Variants in TMPRSS11F observed in about 807,000 individuals in gnomAD.
TMPRSS11F encodes the protein transmembrane protease serine 11F.
A neutral mutation model predicts 60.2 loss-of-function variants in TMPRSS11F; 47 were observed. The ratio of observed to expected loss-of-function variants is 0.78; its 90% CI spans 0.62 to 1.00. The LOEUF is 1.00. TMPRSS11F is among the 50% of genes least tolerant of loss of function. The pLI, the probability that TMPRSS11F is intolerant of heterozygous loss-of-function variation, is 0.00. For synonymous variants in TMPRSS11F, 166 were observed against 167.3 expected (o/e 0.99, Z 0.06); for missense variants, 519 against 522.9 (o/e 0.99, Z 0.07).
Position 68,069,901 on chromosome 4 carries a change from T to A in TMPRSS11F, c.553+68A>T. The A allele has an allele frequency of 2.2e-6, 3 of 1,385,638 alleles. 1 individual carries two copies. In the Admixed American group the frequency reaches 6.6e-5, roughly 30 times the overall value. 85.8% of individuals were successfully genotyped at this position (1,385,638 alleles called of 1,614,324 possible). On this transcript the variant is annotated intron_variant, in intron 6 of 9. Coordinates refer to ENST00000356291, the MANE Select transcript of TMPRSS11F (RefSeq NM_207407.2). The stretch of plus-strand genomic sequence containing the variant: ...AAGCTTGGTAAACTTTACTGCCAAC[T>A]TTTCTATAACTTTTTTCATGATCTT...
intron 2 of TMPRSS11F, among the ~76,000 whole-genome samples, chr4:68,098,025 C>T (rs191456984): frequency 7.4e-4 from 112 of 152,202 alleles, no homozygotes; most frequent in Admixed American, 1.4e-3. Context: ...CAGAAATCGG[C>T]GGGGCATGGT....
At chr4:68,127,843 A>C (rs1018977492) in intron 1 of TMPRSS11F, among the ~76,000 whole-genome samples, 4 of 152,164 alleles carry the variant, frequency 2.6e-5, no homozygotes, top group Non-Finnish European at 4.4e-5. Flanking sequence ...AAATACACCA[A>C]CAACAAATGA....
At chr4:68,067,710 G>A (rs1346705919) in intron 7 of TMPRSS11F, among the ~76,000 whole-genome samples, 3 of 152,124 alleles carry the variant, frequency 2.0e-5, no homozygotes, top group Non-Finnish European at 4.4e-5. Flanking sequence ...CTGCGAAAAA[G>A]CAACAGATAA....
intron 5 of TMPRSS11F, among the ~76,000 whole-genome samples, chr4:68,070,694 A>G (rs1461744570): frequency 6.6e-6 from 1 of 152,086 alleles, no homozygotes; most frequent in Non-Finnish European, 1.5e-5. Flanking sequence ...TTTCCCTTCA[A>G]ATTTATTCAT....
intron 3 of TMPRSS11F, among the ~76,000 whole-genome samples, chr4:68,086,595 T>G (rs76126608): frequency 0.03 from 4,573 of 152,156 alleles, 112 homozygotes; most frequent in Middle Eastern, 0.099. Context: ...ATTTTTGGTT[T>G]ATTGAAAGAA....
intron 1 of TMPRSS11F, among the ~76,000 whole-genome samples, chr4:68,106,996 A>C (rs573919541): frequency 4.2e-4 from 64 of 152,192 alleles, no homozygotes; most frequent in Non-Finnish European, 6.8e-4. Flanking sequence ...GGTATCAGCA[A>C]GGTCAGCTAT....
rs750644290 is a variant in TMPRSS11F, at chr4:68,053,896, T to C, written c.*13A>G. On this transcript the variant is annotated 3_prime_UTR_variant, in exon 10 of 10. Transcript: ENST00000356291. ...CTCTGTGTGCCATGTGTATAACTCA[T>C]GGGCAATCCACACTACATACCAGTC... The C allele has an allele frequency of 3.7e-6, 6 of 1,611,040 alleles. No homozygotes were observed. Among genetic ancestry groups the C allele is most frequent in the Non-Finnish European group, 5.1e-6 (6 of 1,177,920 alleles).
At chr4:68,115,249 C>T (rs1207797082) in intron 1 of TMPRSS11F, among the ~76,000 whole-genome samples, 1 of 149,590 alleles carries the variant, frequency 6.7e-6, no homozygotes, top group Non-Finnish European at 1.5e-5. Context: ...CCCAGCTACT[C>T]AGGAGGCTGA....
chr4:68,079,402 G>A (rs1723649250), intron 3 of TMPRSS11F, among the ~76,000 whole-genome samples: 1 of 152,128 alleles, frequency 6.6e-6, no homozygotes, highest in South Asian at 2.1e-4. Flanking sequence ...AGGCAGGTAG[G>A]AAGGTCATGG....
chr4:68,062,641 A>C, intron 8 of TMPRSS11F: 1 of 797,252 alleles, frequency 1.3e-6, no homozygotes, highest in Non-Finnish European at 2.3e-6. Flanking sequence ...AGCTGTTGAG[A>C]CCTAAATAAA....
At chr4:68,100,017 CT>C (rs1294521382) in intron 1 of TMPRSS11F, among the ~76,000 whole-genome samples, 2 of 145,804 alleles carry the variant, frequency 1.4e-5, no homozygotes, top group African/African-American at 5.2e-5. Context: ...ATGATTACAA[CT>C]TTGAGGAATA....
chr4:68,081,968 C>CGGCT (rs1723703889), intron 3 of TMPRSS11F, among the ~76,000 whole-genome samples: 1 of 152,140 alleles, frequency 6.6e-6, no homozygotes, highest in African/African-American at 2.4e-5. Context: ...AGTGGCAAGA[C>CGGCT]GGCTGCCCAG....
At chr4:68,119,486 A>G (rs112334239) in intron 1 of TMPRSS11F, among the ~76,000 whole-genome samples, 1,524 of 152,228 alleles carry the variant, frequency 0.01, 22 homozygotes, top group African/African-American at 0.034. Context: ...TCTTGTTAGG[A>G]GCTAATACAG....
At chr4:68,068,590 A>G (rs1723380594) in intron 7 of TMPRSS11F, 28 bp downstream of exon 7, 2 of 1,590,988 alleles carry the variant, frequency 1.3e-6, no homozygotes, top group African/African-American at 1.3e-5. Flanking sequence ...TGTGAAAAGA[A>G]GGCTCACAGC....
intron 1 of TMPRSS11F, among the ~76,000 whole-genome samples, chr4:68,109,741 C>G (rs1233471514): frequency 6.6e-6 from 1 of 152,106 alleles, no homozygotes; most frequent in African/African-American, 2.4e-5. Context: ...CAGTATTATT[C>G]AGATCTTTAT....
In TMPRSS11F at chr4:68,072,233, A is replaced by ATATATCTTAC. The variant is rs1210065920; in HGVS notation, c.514+89_514+90insGTAAGATATA. 1.4e-3 allele frequency: 189 copies of ATATATCTTAC among 133,516 alleles called. 5 individuals carry two copies. Among genetic ancestry groups the ATATATCTTAC allele is most frequent in the African/African-American group, 5.1e-3 (184 of 36,386 alleles). 8.3% of individuals were successfully genotyped at this position (133,516 alleles called of 1,614,324 possible). On this transcript the variant is annotated intron_variant, in intron 5 of 9. Transcript: ENST00000356291. The stretch of plus-strand genomic sequence containing the variant: ...TATATATATCTTCCAAAAAAAAAAT[A>ATATATCTTAC]TATATATATATATATATTGCTTACA...
chr4:68,099,116 A>G, intron 1 of TMPRSS11F, 78 bp from the exon 2 acceptor site: 5 of 1,295,798 alleles, frequency 3.9e-6, no homozygotes, highest in South Asian at 1.4e-5. Context: ...ATGTTCCTCT[A>G]TGAAAATAGT....
chr4:68,115,892 T>C (rs1724510214), intron 1 of TMPRSS11F, among the ~76,000 whole-genome samples: 1 of 152,168 alleles, frequency 6.6e-6, no homozygotes, highest in South Asian at 2.1e-4. Flanking sequence ...AGAGATATAT[T>C]ATGCTTAATT....
intron 9 of TMPRSS11F, among the ~76,000 whole-genome samples, chr4:68,054,421 G>C (rs1366516813): frequency 6.6e-6 from 1 of 151,872 alleles, no homozygotes; most frequent in Non-Finnish European, 1.5e-5. Context: ...CAATTTCAAG[G>C]ATCTCTTCCA....
Sources: gnomAD v4.1 joint callset for allele counts (sites outside exome capture counted in the v4.1 genomes callset) on GRCh38, gnomAD v4.1.1 for gene constraint, MANE v1.5 for transcripts, NCBI Gene and HGNC (gene_info 2026-07-23, HGNC 2026-07-21) for gene names.